Variants in NUDT6 observed in about 807,000 individuals in gnomAD.
NUDT6 encodes the protein FAD diphosphatase NUDT6.
A neutral mutation model predicts 36.8 loss-of-function variants in NUDT6; 24 were observed. The ratio of observed to expected loss-of-function variants is 0.65; its 90% CI spans 0.47 to 0.92. The LOEUF (loss-of-function observed/expected upper bound fraction) is 0.92. NUDT6 is among the 40% of genes least tolerant of loss of function. The pLI is 0.00. For synonymous variants in NUDT6, 163 were observed against 157.0 expected, an observed-to-expected ratio of 1.04 and a Z score of -0.29; for missense variants, 388 against 392.8, an observed-to-expected ratio of 0.99 and a Z score of 0.10.
intron 3 of NUDT6, among the ~76,000 whole-genome samples, chr4:122,907,781 T>G (rs2150805300): frequency 6.6e-6 from 1 of 152,226 alleles, no homozygotes; most frequent in East Asian, 1.9e-4. Context: ...TGCTTTCACT[T>G]TACGGATTCA....
chr4:122,892,851 TA>T lies in NUDT6; in HGVS notation c.927del (p.Tyr309Ter). 6.2e-7 allele frequency: 1 copy of T among 1,606,144 alleles called. No individual in the cohort carries two copies. The highest frequency in any genetic ancestry group is 8.5e-7 in the Non-Finnish European group (1 of 1,175,530). ...KLYHKELPEN[Y>X]KTMKGID Reference sequence around the variant, plus strand: ...ATTTAATCAATTCCTTTCATAGTTTTATAATTCTCTGGCAGTTCCTTATGAT... The same window carrying T: ...ATTTAATCAATTCCTTTCATAGTTTTTAATTCTCTGGCAGTTCCTTATGAT... On this transcript the variant is annotated frameshift_variant, in exon 5 of 5. Transcript: ENST00000304430. LOFTEE classifies it high-confidence loss of function.
chr4:122,911,225 C>G (rs1187680438), intron 3 of NUDT6, among the ~76,000 whole-genome samples: 1 of 152,092 alleles, frequency 6.6e-6, no homozygotes, highest in Admixed American at 6.6e-5. Context: ...CATATCAGCT[C>G]CCTCTCATTG....
upstream of NUDT6, chr4:122,922,886 G>C (rs574368386): frequency 3.5e-6 from 2 of 571,706 alleles, no homozygotes; most frequent in Non-Finnish European, 6.1e-6. Context: ...CTGTTTTTCA[G>C]GAATTTACAA....
At chr4:122,901,809 A>G (rs1256340313) in intron 3 of NUDT6, among the ~76,000 whole-genome samples, 1 of 152,194 alleles carries the variant, frequency 6.6e-6, no homozygotes, top group African/African-American at 2.4e-5. Flanking sequence ...TCCTAAGCAG[A>G]GGATTCATTT....
chr4:122,917,395 A>G, intron 2 of NUDT6, 106 bp downstream of exon 2: 1 of 998,878 alleles, frequency 1.0e-6, no homozygotes, highest in South Asian at 1.4e-5. Context: ...TCATTTAATC[A>G]AATAACTCAT....
intron 3 of NUDT6, among the ~76,000 whole-genome samples, chr4:122,911,132 T>C (rs2150806873): frequency 6.6e-6 from 1 of 152,276 alleles, no homozygotes; most frequent in African/African-American, 2.4e-5. Flanking sequence ...TAATATCCAC[T>C]CTGGGTTGAA....
chr4:122,908,046 C>G (rs1156554987), intron 3 of NUDT6, among the ~76,000 whole-genome samples: 1 of 150,764 alleles, frequency 6.6e-6, no homozygotes. Flanking sequence ...TGAATTGTAA[C>G]TAAAAATAAA....
chr4:122,897,786 T>G, intron 3 of NUDT6, 108 bp from the exon 4 acceptor site: 1 of 764,810 alleles, frequency 1.3e-6, no homozygotes, highest in Non-Finnish European at 2.2e-6. Flanking sequence ...GAGAATATAT[T>G]TTTTAGTAAT....
rs1285529901 is a variant in NUDT6 at position 122,893,006 on chromosome 4, TCA to T, written c.771_772del (p.Glu258LysfsTer11). 3 of 1,614,060 alleles carry T rather than the reference TCA, an allele frequency of 1.9e-6. No individual in the cohort carries two copies. The African/African-American group carries it at 4.0e-5, about 22-fold the overall frequency. On this transcript the variant is annotated frameshift_variant, in exon 5 of 5. Coordinates refer to ENST00000304430, the MANE Select transcript of NUDT6 (RefSeq NM_007083.5). LOFTEE classifies it high-confidence loss of function. ...TCTGCTGGTGATGGGAGTTGTATTT[TCA>T]GTCTTCGCCAGGTCATTGAGATCCA...
chr4:122,898,436 A>G (rs1008750484), intron 3 of NUDT6, among the ~76,000 whole-genome samples: 4 of 151,900 alleles, frequency 2.6e-5, no homozygotes, highest in Non-Finnish European at 5.9e-5. Flanking sequence ...ATCACGTGAT[A>G]AAAGAAAAGA....
chr4:122,895,829 A>G (rs971704996), intron 4 of NUDT6: 4 of 152,218 alleles, frequency 2.6e-5, no homozygotes, highest in African/African-American at 2.4e-5. Flanking sequence ...GCCAATATAA[A>G]TGTTTAACTG....
chr4:122,913,238 G>A lies in NUDT6; in HGVS notation c.443-615C>T, dbSNP rs140201863. The stretch of plus-strand genomic sequence containing the variant: ...AGAAGCTAGGAAGTCCAAGATCAAG[G>A]TGCTGGCAGATTCAGTGTCTAATAA... On this transcript the variant is annotated intron_variant, in intron 2 of 4. Transcript: ENST00000304430. 5.6e-3 allele frequency: 850 copies of A among 152,808 alleles called. 2 individuals are homozygous for A. The highest frequency in any genetic ancestry group is 7.2e-3 in the Non-Finnish European group (490 of 68,452). The allele number at this position is 152,808 out of a possible 1,614,324, so 9.5% of individuals were successfully genotyped here. A position where few individuals can be genotyped will look rare whatever the true frequency, so the allele number is the denominator to read the frequency against.
At chr4:122,897,514 C>T (rs749509338) in intron 4 of NUDT6, 110 bp downstream of exon 4, 22 of 777,174 alleles carry the variant, frequency 2.8e-5, no homozygotes, top group Admixed American at 6.5e-5. Context: ...CAGACTCAGT[C>T]GGAACAAATT....
At chr4:122,920,244 G>A (rs568128747) in intron 1 of NUDT6, 1 of 152,238 alleles carries the variant, frequency 6.6e-6, no homozygotes, top group Non-Finnish European at 1.5e-5. Context: ...GAACCAGCAG[G>A]AGTTCTTCAA....
At chr4:122,902,048 T>C (rs1379668720) in intron 3 of NUDT6, among the ~76,000 whole-genome samples, 1 of 152,206 alleles carries the variant, frequency 6.6e-6, no homozygotes, top group Admixed American at 6.5e-5. Context: ...TTTTCATTGT[T>C]CTAGTCTTTA....
intron 1 of NUDT6, chr4:122,920,043 C>T (rs1167314499): frequency 6.6e-6 from 1 of 152,200 alleles, no homozygotes; most frequent in Non-Finnish European, 1.5e-5. Flanking sequence ...CTGTTTATCC[C>T]TCTAACTTCA....
chr4:122,912,579 C>A lies in NUDT6; in HGVS notation c.487G>T (p.Asp163Tyr). 2 of 1,592,218 alleles carry A rather than the reference C, an allele frequency of 1.3e-6. No homozygotes were observed. The highest frequency in any genetic ancestry group is 1.7e-5 in the Admixed American group (1 of 59,738). ...CAGAAGCAGCTTACTTTATTTCGAT[C>A]TTGTACAACCAGTATTTTTCTAGTA... is the stretch of plus-strand genomic sequence containing the variant. ...ESTRKILVVQ[D>Y]RNKLKNMWKF... The change falls in exon 3 of 5, where the codon GAT becomes TAT. Residue 163 changes from aspartate to tyrosine, a missense_variant. Physicochemically the swap from Asp to Tyr is radical, Grantham distance 160 (BLOSUM62 -3). Coordinates refer to ENST00000304430, the MANE Select transcript of NUDT6 (RefSeq NM_007083.5).
chr4:122,917,865 T>G (rs1727878389), intron 1 of NUDT6, 161 bp from the exon 2 acceptor site: 8 of 617,594 alleles, frequency 1.3e-5, no homozygotes, highest in Non-Finnish European at 2.3e-5. Flanking sequence ...CCATGTTTTA[T>G]AGTAACCACC....
At chr4:122,893,480 ATT>A in intron 4 of NUDT6, 1 of 340,610 alleles carries the variant, frequency 2.9e-6, no homozygotes, top group Non-Finnish European at 5.2e-6. Flanking sequence ...CTACCTGTAC[ATT>A]TTTGGGGTCA....
Sources: gnomAD v4.1 joint callset for allele counts (sites outside exome capture counted in the v4.1 genomes callset) on GRCh38, gnomAD v4.1.1 for gene constraint, MANE v1.5 for transcripts, NCBI Gene and HGNC (gene_info 2026-07-23, HGNC 2026-07-21) for gene names.